STON2: variants seen among roughly 807,000 people sequenced by gnomAD.
STON2 encodes the protein stonin-2.
A neutral mutation model predicts 65.7 loss-of-function variants in STON2; 29 were observed. The observed-to-expected ratio is 0.44, with a 90% CI of 0.33 to 0.60. The LOEUF (loss-of-function observed/expected upper bound fraction) is 0.60. STON2 is among the 20% of genes least tolerant of loss of function. The probability of loss-of-function intolerance (pLI) is 0.03; values close to 1 mark genes in which losing one functional copy is unlikely to be tolerated. For synonymous variants in STON2, 404 were observed against 414.2 expected, an observed-to-expected ratio of 0.98 and a Z score of 0.30; for missense variants, 1,054 against 1,118.1, an observed-to-expected ratio of 0.94 and a Z score of 0.82.
chr14:81,378,774 G>T (rs1899375437), intron 3 of STON2, among the ~76,000 whole-genome samples: 1 of 152,108 alleles, frequency 6.6e-6, no homozygotes, highest in Non-Finnish European at 1.5e-5. Context: ...GAATACATGG[G>T]TTAACATTAG....
At chr14:81,316,455 G>A (rs548130898) in intron 5 of STON2, among the ~76,000 whole-genome samples, 17 of 152,256 alleles carry the variant, frequency 1.1e-4, no homozygotes, top group South Asian at 2.1e-4. Flanking sequence ...GTAGGGAGGC[G>A]GGGTTTCTTA....
chr14:81,294,346 G>C (rs1371777489), intron 5 of STON2, among the ~76,000 whole-genome samples: 1 of 152,172 alleles, frequency 6.6e-6, no homozygotes, highest in African/African-American at 2.4e-5. Flanking sequence ...CTTTGGCCTA[G>C]GTCAACCTAG....
At chr14:81,399,369 T>C (rs550089187) in intron 1 of STON2, among the ~76,000 whole-genome samples, 5 of 152,372 alleles carry the variant, frequency 3.3e-5, no homozygotes, top group African/African-American at 1.2e-4. Context: ...CTAAAATTAA[T>C]GTGCTTCCAT....
chr14:81,407,782 AC>A (rs1321887366), intron 2 of STON2, among the ~76,000 whole-genome samples: 1 of 152,264 alleles, frequency 6.6e-6, no homozygotes, highest in African/African-American at 2.4e-5. Context: ...ATATTTCTTT[AC>A]AGTGTTCTTC....
intron 6 of STON2, among the ~76,000 whole-genome samples, chr14:81,273,755 C>T (rs1053309135): frequency 1.1e-4 from 16 of 152,152 alleles, no homozygotes; most frequent in African/African-American, 3.9e-4. Flanking sequence ...AGGGTGCTGA[C>T]CTGCTGACCT....
chr14:81,368,360 C>A (rs753678046), intron 4 of STON2, among the ~76,000 whole-genome samples: 10 of 152,122 alleles, frequency 6.6e-5, no homozygotes, highest in Non-Finnish European at 1.5e-4. Flanking sequence ...AGATCATACA[C>A]CTCATATGCT....
intron 2 of STON2, among the ~76,000 whole-genome samples, chr14:81,415,739 A>G (rs1383957038): frequency 6.6e-6 from 1 of 151,784 alleles, no homozygotes; most frequent in African/African-American, 2.4e-5. Context: ...ATTATATTAC[A>G]TTGTGGGTTT....
chr14:81,401,226 A>C (rs1419325892), upstream of STON2, among the ~76,000 whole-genome samples: 1 of 152,180 alleles, frequency 6.6e-6, no homozygotes, highest in African/African-American at 2.4e-5. Flanking sequence ...GCAGATTCTA[A>C]ATCCTCTTCA....
chr14:81,425,671 A>G (rs1288592603), intron 2 of STON2, among the ~76,000 whole-genome samples: 1 of 152,130 alleles, frequency 6.6e-6, no homozygotes, highest in African/African-American at 2.4e-5. Flanking sequence ...TGAGGTTATT[A>G]TACGTAATAC....
At chr14:81,434,946 GTTT>G (rs542759632) in intron 1 of STON2, among the ~76,000 whole-genome samples, 1 of 151,834 alleles carries the variant, frequency 6.6e-6, no homozygotes, top group Non-Finnish European at 1.5e-5. Context: ...GTGTGGTTGA[GTTT>G]TTTTTCTCTC....
intron 2 of STON2, among the ~76,000 whole-genome samples, chr14:81,422,470 C>T (rs1008064878): frequency 2.6e-5 from 4 of 152,116 alleles, no homozygotes; most frequent in African/African-American, 9.7e-5. Context: ...ATAAATTACC[C>T]AGTCTTGGGT....
At chr14:81,319,316 AT>A (rs951342891) in intron 5 of STON2, among the ~76,000 whole-genome samples, 12 of 150,582 alleles carry the variant, frequency 8.0e-5, no homozygotes, top group East Asian at 1.9e-4. Flanking sequence ...TTTATACCTG[AT>A]TTTTTTTTTC....
At chr14:81,318,736 G>A (rs1415252561) in intron 5 of STON2, among the ~76,000 whole-genome samples, 4 of 152,084 alleles carry the variant, frequency 2.6e-5, no homozygotes, top group East Asian at 3.9e-4. Flanking sequence ...CTGTAATCCC[G>A]GCTACTCCGG....
chr14:81,292,813 G>C (rs1895610063), intron 5 of STON2, among the ~76,000 whole-genome samples: 1 of 152,174 alleles, frequency 6.6e-6, no homozygotes, highest in African/African-American at 2.4e-5. Context: ...CAAGTAACAG[G>C]CTGAGATTAC....
chr14:81,378,350 G>C (rs1202503543), intron 3 of STON2, among the ~76,000 whole-genome samples: 1 of 152,068 alleles, frequency 6.6e-6, no homozygotes, highest in Non-Finnish European at 1.5e-5. Context: ...AGAGTAGCTG[G>C]AACTACAGGT....
chr14:81,408,581 TTA>T (rs1375602869), intron 2 of STON2, among the ~76,000 whole-genome samples: 5 of 152,242 alleles, frequency 3.3e-5, no homozygotes, highest in African/African-American at 1.2e-4. Flanking sequence ...GTATACACAC[TTA>T]TAAATATACA....
chr14:81,395,660 A>G (rs916708090), intron 3 of STON2: 2 of 515,312 alleles, frequency 3.9e-6, no homozygotes, highest in Non-Finnish European at 6.9e-6. Context: ...AGCCAGGGAC[A>G]AGAGTAAAGG....
intron 4 of STON2, among the ~76,000 whole-genome samples, chr14:81,361,572 G>C (rs921969535): frequency 1.3e-5 from 2 of 151,966 alleles, no homozygotes; most frequent in African/African-American, 4.8e-5. Flanking sequence ...GGAAAAACTA[G>C]ACAATATTGG....
At chr14:81,276,382 C>A (rs552345080) in intron 6 of STON2, among the ~76,000 whole-genome samples, 1 of 133,860 alleles carries the variant, frequency 7.5e-6, no homozygotes, top group Non-Finnish European at 1.8e-5. Flanking sequence ...CTTTCCCATC[C>A]CCCAGTCCCA....
Sources: allele counts gnomAD v4.1 joint callset (sites outside exome capture counted in the v4.1 genomes callset), GRCh38; gene constraint gnomAD v4.1.1; transcripts MANE v1.5; gene names NCBI Gene and HGNC (gene_info 2026-07-23, HGNC 2026-07-21).